The following RREB1 variants were observed in gnomAD, a reference collection of about 807,000 sequenced individuals.
RREB1 encodes ras responsive element binding protein 1, also known as ras-responsive element-binding protein 1.
A neutral mutation model predicts 117.8 loss-of-function variants in RREB1; 27 were observed. The observed-to-expected ratio is 0.23, with a 90% CI of 0.17 to 0.32. The LOEUF (loss-of-function observed/expected upper bound fraction) is 0.32, where lower values mean the gene tolerates loss of function less well. Among genes scored for constraint, RREB1 ranks in the 10% least tolerant of loss-of-function variants. The pLI is 1.00. For missense variants in RREB1, 2,577 were observed against 2,378.2 expected (o/e 1.08, Z -1.74); for synonymous variants, 1,298 against 1,026.7 (o/e 1.26, Z -5.05).
At chr6:7,156,492 C>T (rs940434240) in intron 1 of RREB1, among the ~76,000 whole-genome samples, 5 of 152,218 alleles carry the variant, frequency 3.3e-5, no homozygotes, top group African/African-American at 1.2e-4. Context: ...CAGCCAGTCC[C>T]TTGTGGCTCT....
chr6:7,109,602 C>G (rs1221630716), intron 1 of RREB1, among the ~76,000 whole-genome samples: 1 of 152,212 alleles, frequency 6.6e-6, no homozygotes, highest in Non-Finnish European at 1.5e-5. Flanking sequence ...AGCTCGCGCC[C>G]CTCGGCCGCC....
Position 7,248,554 on chromosome 6 carries a change from C to G in RREB1, c.4815C>G (p.Thr1605=), listed in dbSNP as rs780571220. The change falls in exon 13 of 13, where the codon ACC becomes ACG. Residue 1605 remains threonine, a synonymous_variant. Transcript: ENST00000379938. ...GTCAGACCTGCGAGCGAACCTTCACCTTGAAGCACAGCCTGGTTCGCCACC... is the reference window on the plus strand; with the variant it reads ...GTCAGACCTGCGAGCGAACCTTCACGTTGAAGCACAGCCTGGTTCGCCACC... The part of the protein sequence containing the change: ...YKCQTCERTF[T]LKHSLVRHQR... 1 of 1,614,166 alleles carries G rather than the reference C, an allele frequency of 6.2e-7. No homozygotes were observed. The highest frequency in any genetic ancestry group is 8.5e-7 in the Non-Finnish European group (1 of 1,180,060).
chr6:7,187,139 T>C (rs1234758049), intron 4 of RREB1, among the ~76,000 whole-genome samples: 2 of 152,250 alleles, frequency 1.3e-5, no homozygotes, highest in Non-Finnish European at 2.9e-5. Flanking sequence ...GTAATTAGAA[T>C]GCTAGTATTG....
At chr6:7,147,324 T>G (rs1762914431) in intron 1 of RREB1, among the ~76,000 whole-genome samples, 1 of 152,220 alleles carries the variant, frequency 6.6e-6, no homozygotes, top group Non-Finnish European at 1.5e-5. Context: ...GCATTTCAGC[T>G]TGGAGTGCGC....
chr6:7,154,851 A>T (rs2113441014), intron 1 of RREB1, among the ~76,000 whole-genome samples: 1 of 152,306 alleles, frequency 6.6e-6, no homozygotes, highest in East Asian at 1.9e-4. Context: ...CAGAGTTCGC[A>T]GGAAGTGTGG....
rs75819104 is a variant in RREB1, at chr6:7,237,981, C to T, written c.3809-2457C>T. On this transcript the variant is annotated intron_variant, in intron 10 of 12. Transcript: ENST00000379938. ...CCTAACCAACTGTAAAGGTGACGCA[C>T]TTACCAGTGTGAAAATTACAGAGTA... is the stretch of plus-strand genomic sequence containing the variant. Among the ~76,000 whole-genome samples, 123 of 152,274 alleles carry T rather than the reference C, an allele frequency of 8.1e-4. 1 individual carries two copies. The highest frequency in any genetic ancestry group is 1.2e-3 in the Non-Finnish European group (82 of 68,014).
intron 4 of RREB1, 144 bp downstream of exon 4, chr6:7,182,226 G>A (rs1019923153): frequency 3.8e-5 from 26 of 692,384 alleles, no homozygotes; most frequent in African/African-American, 3.3e-4. Flanking sequence ...TTTTTCAAGG[G>A]CAAAATTTTT....
chr6:7,160,514 ATT>A (rs1229237629), intron 1 of RREB1, among the ~76,000 whole-genome samples: 7 of 151,992 alleles, frequency 4.6e-5, no homozygotes, highest in Admixed American at 4.6e-4. Context: ...GTTTTCACAC[ATT>A]GACTTTTTTT....
chr6:7,189,363 T>C (rs1291420520), intron 6 of RREB1, 41 bp downstream of exon 6: 1 of 1,527,168 alleles, frequency 6.5e-7, no homozygotes, highest in South Asian at 1.2e-5. Flanking sequence ...TGGCTGGTAC[T>C]TGGAGGTTGG....
intron 11 of RREB1, among the ~76,000 whole-genome samples, chr6:7,245,092 C>G (rs977003883): frequency 8.5e-5 from 13 of 152,204 alleles, no homozygotes; most frequent in African/African-American, 2.7e-4. Flanking sequence ...ACTTGAATCC[C>G]TGCAGTAATA....
chr6:7,181,504 G>T, intron 3 of RREB1: 1 of 490,774 alleles, frequency 2.0e-6, no homozygotes, highest in Non-Finnish European at 3.5e-6. Context: ...TAGTGAATAA[G>T]CCTAGGTTCT....
At position 7,205,215 on chromosome 6, in the gene RREB1, C is replaced by T. The variant is rs537396818; in HGVS notation, c.426-5589C>T. On this transcript the variant is annotated intron_variant, in intron 6 of 12. Transcript: ENST00000379938. Reference sequence around the variant, plus strand: ...TTGTGCAAGCCAGACTGCTGGGCCCCGACCCAGCGCTACCAGTCTGCAGGC... The same window carrying T: ...TTGTGCAAGCCAGACTGCTGGGCCCTGACCCAGCGCTACCAGTCTGCAGGC... 4.6e-5 allele frequency among the ~76,000 whole-genome samples: 7 copies of T among 152,262 alleles called. No homozygotes were observed. The East Asian group carries it at 1.2e-3, about 25-fold the overall frequency.
Position 7,229,136 on chromosome 6 carries a change from A to G in RREB1, c.1037A>G (p.Glu346Gly). ...QTHVAADQGQ[E>G]KPQATPLPGD... ...CATGTGGCGGCAGACCAGGGTCAAG[A>G]AAAGCCGCAGGCCACGCCCCTGCCT... Residue 346 changes from glutamate (E) to glycine (G), a missense_variant, in exon 10 of 13, where the codon GAA becomes GGA. By Grantham distance (98) the Glu-to-Gly change is moderately conservative. Transcript: ENST00000379938. The surrounding 1 kb of genome is among the most constrained non-coding windows in gnomAD (Gnocchi z 4.5). The G allele has an allele frequency of 6.2e-7, 1 of 1,609,292 alleles. No homozygotes were observed. The highest frequency in any genetic ancestry group is 8.5e-7 in the Non-Finnish European group (1 of 1,176,286).
intron 1 of RREB1, chr6:7,140,822 C>T (rs1762532902): frequency 6.6e-6 from 1 of 152,342 alleles, no homozygotes; most frequent in Admixed American, 6.5e-5. Flanking sequence ...GGCTTGCACG[C>T]GCCAGGCTTC....
chr6:7,179,928 G>C (rs1266305223), intron 2 of RREB1, among the ~76,000 whole-genome samples: 1 of 152,038 alleles, frequency 6.6e-6, no homozygotes, highest in Non-Finnish European at 1.5e-5. Flanking sequence ...CTGACATTAA[G>C]GTTGTGAGCA....
At chr6:7,112,100 A>G (rs1475512156) in intron 1 of RREB1, among the ~76,000 whole-genome samples, 1 of 152,190 alleles carries the variant, frequency 6.6e-6, no homozygotes, top group East Asian at 1.9e-4. Flanking sequence ...TCCCTAGTGC[A>G]GTTTATTCCG....
chr6:7,160,806 C>T (rs1763623767), intron 1 of RREB1, among the ~76,000 whole-genome samples: 1 of 130,346 alleles, frequency 7.7e-6, no homozygotes, highest in Non-Finnish European at 1.6e-5. Context: ...CCTGCCTCAG[C>T]CTCCTGAGTA....
chr6:7,142,721 A>AC (rs1481514910), intron 1 of RREB1, among the ~76,000 whole-genome samples: 14 of 151,940 alleles, frequency 9.2e-5, no homozygotes, highest in African/African-American at 3.1e-4. Flanking sequence ...GGCAGGGAGG[A>AC]CCCCAGCACC....
rs1258784126 is a variant in RREB1 at position 7,246,769 on chromosome 6, G to A, written c.4319G>A (p.Gly1440Asp). The A allele has an allele frequency of 6.4e-7, 1 of 1,554,042 alleles. No individual in the cohort carries two copies. Among genetic ancestry groups the A allele is most frequent in the African/African-American group, 1.4e-5 (1 of 72,892 alleles). Residue 1440 changes from glycine to aspartate, a missense_variant, in exon 12 of 13, where the codon GGC becomes GAC. Coordinates refer to ENST00000379938, the MANE Select transcript of RREB1 (RefSeq NM_001003699.4). The stretch of plus-strand genomic sequence containing the variant: ...GGCGACGGCGAGGCAGGCGCCGGGG[G>A]CGCGGCCTCGCAGGAGCAGAAGCTC... ...AEGDGEAGAG[G>D]AASQEQKLAC...
Sources: gnomAD v4.1 joint callset for allele counts (sites outside exome capture counted in the v4.1 genomes callset) on GRCh38, gnomAD v4.1.1 for gene constraint, Gnocchi (gnomAD v3.1) non-coding constraint, MANE v1.5 for transcripts, NCBI Gene and HGNC (gene_info 2026-07-23, HGNC 2026-07-21) for gene names.